HMCN1: variants seen among roughly 807,000 people sequenced by gnomAD.
The protein encoded by HMCN1 is hemicentin 1.
HMCN1 carries 321 observed loss-of-function variants against 625.9 expected under a neutral mutation model. That is an observed-to-expected ratio of 0.51 (90% confidence interval 0.47 to 0.56). HMCN1 has a LOEUF of 0.56. Among genes scored for constraint, HMCN1 ranks in the 20% least tolerant of loss-of-function variants. The pLI is 0.00. For missense variants in HMCN1, 6,588 were observed against 6,887.3 expected, an observed-to-expected ratio of 0.96 and a Z score of 1.54; for synonymous variants, 2,425 against 2,417.6, an observed-to-expected ratio of 1.00 and a Z score of -0.09.
Position 186,189,523 on chromosome 1 carries a change from A to G in HMCN1, c.16553A>G (p.Lys5518Arg). ...TTTGTTGTCCTTAGGTTCTGCCTCA[A>G]GAACTGTCCACCCAATGATTTGGAA... ...QRDPVSGFCL[K>R]NCPPNDLECA... The change falls in exon 107 of 107, where the codon AAG becomes AGG. Residue 5518 changes from lysine (K) to arginine (R), a missense_variant. Lys to Arg is a conservative substitution (Grantham distance 26, BLOSUM62 2). Coordinates refer to ENST00000271588, the MANE Select transcript of HMCN1 (RefSeq NM_031935.3). 4 of 1,613,328 alleles carry G rather than the reference A, an allele frequency of 2.5e-6. No individual in the cohort carries two copies. The highest frequency in any genetic ancestry group is 3.4e-6 in the Non-Finnish European group (4 of 1,179,760).
intron 57 of HMCN1, 132 bp downstream of exon 57, chr1:186,083,093 C>T (rs1169807027): frequency 2.4e-6 from 1 of 420,314 alleles, no homozygotes; most frequent in African/African-American, 2.1e-5. Flanking sequence ...CATTCAATCC[C>T]CTCTCTTCTT....
At chr1:186,166,375 G>A (rs1651881271) in intron 99 of HMCN1, 72 bp downstream of exon 99, 1 of 1,575,372 alleles carries the variant, frequency 6.3e-7, no homozygotes, top group Non-Finnish European at 8.7e-7. Flanking sequence ...AAGTATGATA[G>A]ACCCATTATC....
At chr1:186,038,783 T>A (rs771376505) in intron 37 of HMCN1, 46 bp from the exon 38 acceptor site, 1 of 1,172,732 alleles carries the variant, frequency 8.5e-7, no homozygotes, top group Admixed American at 1.7e-5. Context: ...GTATATTTAA[T>A]TTAAAAAATT....
In HMCN1 at chr1:186,151,196, A is replaced by G. The variant is rs780214503; in HGVS notation, c.14609-4A>G. 5.0e-6 allele frequency: 8 copies of G among 1,613,190 alleles called. No homozygotes were observed. Among genetic ancestry groups the G allele is most frequent in the African/African-American group, 1.3e-5 (1 of 74,912 alleles). ...TCCAGGAATGTTTTTTTTTCCCCCAATAGGTGGGCCCCAGCGAGCCAGAGG... is the reference window on the plus strand; with the variant it reads ...TCCAGGAATGTTTTTTTTTCCCCCAGTAGGTGGGCCCCAGCGAGCCAGAGG... On this transcript the variant is annotated splice_polypyrimidine_tract_variant and splice_region_variant and intron_variant, in intron 93 of 106. Coordinates refer to ENST00000271588, the MANE Select transcript of HMCN1 (RefSeq NM_031935.3).
At chr1:185,978,130 AT>A (rs1452703456) in intron 16 of HMCN1, 149 bp downstream of exon 16, 2 of 614,454 alleles carry the variant, frequency 3.3e-6, no homozygotes, top group African/African-American at 1.9e-5. Context: ...TAGTACTGGC[AT>A]TTTATATTCG....
At chr1:186,113,239 A>G (rs1358027043) in intron 72 of HMCN1, among the ~76,000 whole-genome samples, 1 of 152,310 alleles carries the variant, frequency 6.6e-6, no homozygotes, top group South Asian at 2.1e-4. Flanking sequence ...GAGGAAGTCA[A>G]TACACTAAAT....
chr1:186,058,394 CACTATA>C (rs1489536825), intron 46 of HMCN1, among the ~76,000 whole-genome samples: 1 of 151,848 alleles, frequency 6.6e-6, no homozygotes, highest in African/African-American at 2.4e-5. Context: ...AGATCGTGTG[CACTATA>C]AACTTAGCAG....
intron 4 of HMCN1, among the ~76,000 whole-genome samples, chr1:185,906,813 T>G (rs1244261914): frequency 6.6e-6 from 1 of 151,840 alleles, no homozygotes; most frequent in Non-Finnish European, 1.5e-5. Flanking sequence ...GTGTTGTCCT[T>G]AAAACAGATA....
chr1:186,122,873 A>G, intron 80 of HMCN1, 78 bp from the exon 81 acceptor site: 6 of 1,417,200 alleles, frequency 4.2e-6, no homozygotes, highest in Non-Finnish European at 5.9e-6. Context: ...TGTTTGCTAG[A>G]GCAGTACTGT....
chr1:186,066,723 T>C (rs1156923535), intron 49 of HMCN1, among the ~76,000 whole-genome samples: 2 of 152,200 alleles, frequency 1.3e-5, no homozygotes, highest in African/African-American at 4.8e-5. Flanking sequence ...TCCTTCACAA[T>C]GCTCTTTCCC....
rs912223363 is a variant in HMCN1, at chr1:186,074,746, T to C, written c.8145T>C (p.Leu2715=). The change falls in exon 53 of 107, where the codon CTT becomes CTC. Residue 2715 remains leucine, a synonymous_variant. Coordinates refer to ENST00000271588, the MANE Select transcript of HMCN1 (RefSeq NM_031935.3). ...SLSWYKDGQP[L]KSDDHVNIAA... is the part of the protein sequence containing the mutation. ...TTGTTATAATTGAATCACAGCCCCTTAAATCCGATGATCATGTTAATATTG... is the reference window on the plus strand; with the variant it reads ...TTGTTATAATTGAATCACAGCCCCTCAAATCCGATGATCATGTTAATATTG... The C allele has an allele frequency of 7.4e-6, 12 of 1,612,746 alleles. No individual in the cohort carries two copies. The highest frequency in any genetic ancestry group is 1.7e-4 in the Middle Eastern group (1 of 6,052).
At chr1:185,843,899 T>C (rs1661644635) in intron 1 of HMCN1, among the ~76,000 whole-genome samples, 1 of 152,202 alleles carries the variant, frequency 6.6e-6, no homozygotes, top group African/African-American at 2.4e-5. Context: ...CCTCTTATTT[T>C]AATAGCATCC....
intron 36 of HMCN1, among the ~76,000 whole-genome samples, chr1:186,023,632 T>G (rs1011408825): frequency 3.9e-5 from 6 of 152,134 alleles, no homozygotes; most frequent in Non-Finnish European, 7.4e-5. Context: ...ACAGTAAACT[T>G]GAAAGACTAC....
At chr1:186,058,587 G>C (rs1657496228) in intron 46 of HMCN1, among the ~76,000 whole-genome samples, 1 of 151,930 alleles carries the variant, frequency 6.6e-6, no homozygotes, top group Admixed American at 6.6e-5. Context: ...GAGCCATGGT[G>C]TAGAAAGGAT....
chr1:186,007,382 T>G (rs1653713029), intron 30 of HMCN1, 100 bp downstream of exon 30: 1 of 1,088,610 alleles, frequency 9.2e-7, no homozygotes, highest in Non-Finnish European at 1.4e-6. Flanking sequence ...CTGAATAATT[T>G]GGAATACTAC....
Position 186,087,592 on chromosome 1 carries a change from A to T in HMCN1, c.9310A>T (p.Thr3104Ser). 6.2e-7 allele frequency: 1 copy of T among 1,613,220 alleles called. No individual in the cohort carries two copies. Among genetic ancestry groups the T allele is most frequent in the South Asian group, 1.1e-5 (1 of 91,064 alleles). ...YKNGRMITES[T>S]HVEILADGQM... ...GAATGGGCGGATGATAACAGAGTCT[A>T]CTCATGTGGAGATTTTAGCTGATGG... The change falls in exon 60 of 107, where the codon ACT becomes TCT. Residue 3104 changes from threonine (T) to serine (S), a missense_variant. Physicochemically the swap from Thr to Ser is moderately conservative, Grantham distance 58. Transcript: ENST00000271588.
rs765587529 is a variant in HMCN1, at chr1:186,007,291, G to T, written c.4630+9G>T. On this transcript the variant is annotated intron_variant, in intron 30 of 106. Transcript: ENST00000271588. ...AAAACTGACTATCTATAGTAAGTGC[G>T]ATTGTCTTATGCTTTTTATTGTCTG... 6.2e-7 allele frequency: 1 copy of T among 1,612,346 alleles called. No individual in the cohort carries two copies. Among genetic ancestry groups the T allele is most frequent in the Non-Finnish European group, 8.5e-7 (1 of 1,178,636 alleles).
In HMCN1 at chr1:186,117,071, A is replaced by G; in HGVS notation, c.11639A>G (p.Asn3880Ser). 1.2e-6 allele frequency: 2 copies of G among 1,613,596 alleles called. No individual in the cohort carries two copies. The highest frequency in any genetic ancestry group is 1.7e-6 in the Non-Finnish European group (2 of 1,179,600). Residue 3880 changes from asparagine (N) to serine (S), a missense_variant, in exon 76 of 107, where the codon AAC (asparagine) becomes AGC (serine). By Grantham distance (46) the Asn-to-Ser change is conservative. Around this residue, in one of 3 missense-constraint regions of HMCN1, gnomAD observed 4,628 missense variants for 4,853.1 expected, o/e 0.95. Transcript: ENST00000271588. The part of the protein sequence containing the change: ...DTATYECTVT[N>S]GAGDDKRTVD... ...GCAACCTATGAATGTACTGTGACAA[A>G]CGGTGCTGGAGATGATAAAAGAACT...
At chr1:185,896,787 T>C (rs1164414726) in intron 4 of HMCN1, among the ~76,000 whole-genome samples, 3 of 152,192 alleles carry the variant, frequency 2.0e-5, no homozygotes, top group African/African-American at 7.2e-5. Flanking sequence ...TGTGAAGGAA[T>C]ACAAAATGAA....
Sources: gnomAD v4.1 joint callset for allele counts (sites outside exome capture counted in the v4.1 genomes callset) on GRCh38, gnomAD v4.1.1 for gene constraint, gnomAD v4.1.1 regional missense constraint, MANE v1.5 for transcripts, NCBI Gene and HGNC (gene_info 2026-07-23, HGNC 2026-07-21) for gene names.